Variants in VCAN observed in about 807,000 individuals in gnomAD.
VCAN encodes versican core protein.
VCAN carries 44 observed loss-of-function variants against 245.5 expected under a neutral mutation model. The observed-to-expected ratio is 0.18, with a 90% CI of 0.14 to 0.23. VCAN has a LOEUF of 0.23. Among genes scored for constraint, VCAN ranks in the 10% least tolerant of loss-of-function variants. The pLI, the probability that VCAN is intolerant of heterozygous loss-of-function variation, is 1.00. For missense variants in VCAN, 3,793 were observed against 4,057.9 expected (o/e 0.93, Z 1.77); for synonymous variants, 1,413 against 1,437.0 (o/e 0.98, Z 0.38).
At position 83,536,994 on chromosome 5, in the gene VCAN, CTG is replaced by C; in HGVS notation, c.4004-11_4004-10del. The C allele has an allele frequency of 6.4e-7, 1 of 1,564,826 alleles. No individual in the cohort carries two copies. The highest frequency in any genetic ancestry group is 1.2e-5 in the South Asian group (1 of 81,566). ...TTTCTATTTAAGTATTGTGAAAACT[CTG>C]TTTTTTTCAGGTCGAATGAGTGATT... On this transcript the variant is annotated splice_polypyrimidine_tract_variant and intron_variant, in intron 7 of 14. Transcript: ENST00000265077.
chr5:83,570,347 T>A (rs1161031487), intron 12 of VCAN, among the ~76,000 whole-genome samples: 2 of 152,154 alleles, frequency 1.3e-5, no homozygotes, highest in East Asian at 1.9e-4. Flanking sequence ...CTTTTTTACA[T>A]AGCAGTGATC....
intron 6 of VCAN, among the ~76,000 whole-genome samples, chr5:83,516,805 T>A (rs1377974555): frequency 6.6e-6 from 1 of 152,276 alleles, no homozygotes. Flanking sequence ...TCTTAAAATA[T>A]CTCTTCGTAG....
Position 83,545,585 on chromosome 5 carries a change from A to T in VCAN, c.9314A>T (p.Tyr3105Phe). The change falls in exon 9 of 15, where the codon TAT (tyrosine) becomes TTT (phenylalanine). Residue 3105 changes from tyrosine (Y) to phenylalanine (F), a missense_variant. Coordinates refer to ENST00000265077, the MANE Select transcript of VCAN (RefSeq NM_004385.5). ...MNPCLNGGTC[Y>F]PTETSYVCTC... Reference sequence around the variant, plus strand: ...CCGTGCCTTAACGGAGGCACCTGTTATCCTACTGAAACTTCCTACGTATGC... The same window carrying T: ...CCGTGCCTTAACGGAGGCACCTGTTTTCCTACTGAAACTTCCTACGTATGC... The T allele has an allele frequency of 1.2e-6, 2 of 1,614,184 alleles. No homozygotes were observed. Among genetic ancestry groups the T allele is most frequent in the Non-Finnish European group, 1.7e-6 (2 of 1,180,002 alleles).
Position 83,547,429 on chromosome 5 carries a change from G to A in VCAN, c.9380-542G>A, listed in dbSNP as rs144584173. On this transcript the variant is annotated intron_variant, in intron 9 of 14. Transcript: ENST00000265077. ...GAAGACTGCTGCCCTGGGCAATTGGGATCCATGGAATGTTTGGAAGTAAAA... is the reference window on the plus strand; with the variant it reads ...GAAGACTGCTGCCCTGGGCAATTGGAATCCATGGAATGTTTGGAAGTAAAA... 8.1e-4 allele frequency among the ~76,000 whole-genome samples: 124 copies of A among 152,288 alleles called. 1 individual carries two copies. Among genetic ancestry groups the A allele is most frequent in the African/African-American group, 2.8e-3 (116 of 41,560 alleles).
intron 5 of VCAN, among the ~76,000 whole-genome samples, chr5:83,499,916 A>T (rs374860417): frequency 6.6e-5 from 10 of 152,328 alleles, no homozygotes; most frequent in African/African-American, 2.4e-4. Flanking sequence ...TCCTTTAGAT[A>T]TGAAAATCTA....
At position 83,521,968 on chromosome 5, in the gene VCAN, C is replaced by T. The variant is rs1297457033; in HGVS notation, c.3662C>T (p.Ser1221Leu). The change falls in exon 7 of 15, where the codon TCA (serine) becomes TTA (leucine). Residue 1221 changes from serine to leucine, a missense_variant. Coordinates refer to ENST00000265077, the MANE Select transcript of VCAN (RefSeq NM_004385.5). ...TCAGTAGACAGACTTCACACAACTT[C>T]AGCATTCAAGCCATCTTCCGCGATC... The part of the protein sequence containing the change: ...FSSVDRLHTT[S>L]AFKPSSAITK... The T allele has an allele frequency of 6.2e-7, 1 of 1,614,082 alleles. No homozygotes were observed. The highest frequency in any genetic ancestry group is 1.3e-5 in the African/African-American group (1 of 74,942).
rs532576024 is a variant in VCAN at position 83,524,172 on chromosome 5, C to CAA, written c.4003+1871_4003+1872dup. On this transcript the variant is annotated intron_variant, in intron 7 of 14. Transcript: ENST00000265077. ...TCTCTCTGAAAGAATTGGCAGTCAT[C>CAA]AAAAAAAAAGAACTAAGTTATAAAT... 1.2e-3 allele frequency among the ~76,000 whole-genome samples: 181 copies of CAA among 149,872 alleles called. 1 individual carries two copies. Among genetic ancestry groups the CAA allele is most frequent in the Non-Finnish European group, 2.3e-3 (157 of 67,234 alleles).
rs1377985287 is a variant in VCAN at position 83,537,146 on chromosome 5, A to G, written c.4143A>G (p.Ile1381Met). 6.2e-7 allele frequency: 1 copy of G among 1,613,894 alleles called. No individual in the cohort carries two copies. The highest frequency in any genetic ancestry group is 1.7e-4 in the Middle Eastern group (1 of 6,060). The change falls in exon 8 of 15, where the codon ATA becomes ATG. Residue 1381 changes from isoleucine to methionine, a missense_variant. This residue lies in a region of VCAN where 3,182 missense variants were observed against 3,250.3 expected (regional missense o/e 0.98). Transcript: ENST00000265077. ...ILPEFPDIIE[I>M]DLYHSEENEE... ...CTGAATTCCCTGACATAATTGAAAT[A>G]GACCTATACCACAGTGAAGAAAATG...
chr5:83,520,535 G>T lies in VCAN; in HGVS notation c.2229G>T (p.Met743Ile). ...ATGTTACAGAGTCTTCTGTGGAAAT[G>T]ACCAAGTCTTTTGATTTCCCAACAT... ...PIHVTESSVE[M>I]TKSFDFPTLI... is the part of the protein sequence containing the mutation. The change falls in exon 7 of 15, where the codon ATG becomes ATT. Residue 743 changes from methionine to isoleucine, a missense_variant. Physicochemically the swap from Met to Ile is conservative, Grantham distance 10. Around this residue, in one of 5 missense-constraint regions of VCAN, gnomAD observed 3,182 missense variants for 3,250.3 expected, o/e 0.98. Coordinates refer to ENST00000265077, the MANE Select transcript of VCAN (RefSeq NM_004385.5). The T allele has an allele frequency of 1.9e-6, 3 of 1,613,880 alleles. No individual in the cohort carries two copies. The South Asian group carries it at 3.3e-5, about 18-fold the overall frequency.
intron 1 of VCAN, among the ~76,000 whole-genome samples, chr5:83,479,807 T>C (rs1744550992): frequency 6.6e-6 from 1 of 152,168 alleles, no homozygotes; most frequent in African/African-American, 2.4e-5. Flanking sequence ...GAAGAGGGAA[T>C]GGAAATGTAG....
chr5:83,553,845 T>G (rs1419759708), intron 11 of VCAN, among the ~76,000 whole-genome samples: 1 of 152,226 alleles, frequency 6.6e-6, no homozygotes, highest in Non-Finnish European at 1.5e-5. Flanking sequence ...ATAGAATTCT[T>G]ACTATGGTTA....
At chr5:83,484,850 A>G (rs184213391) in intron 2 of VCAN, among the ~76,000 whole-genome samples, 6 of 152,164 alleles carry the variant, frequency 3.9e-5, no homozygotes, top group Non-Finnish European at 8.8e-5. Flanking sequence ...GTGAAATTTA[A>G]AGTGAGATGA....
intron 12 of VCAN, among the ~76,000 whole-genome samples, chr5:83,569,508 A>C (rs887735639): frequency 2.0e-5 from 3 of 152,196 alleles, no homozygotes; most frequent in African/African-American, 7.2e-5. Context: ...GTCCTCAATG[A>C]ATTTACATTC....
intron 8 of VCAN, among the ~76,000 whole-genome samples, chr5:83,543,765 C>T (rs564107357): frequency 1.2e-4 from 19 of 152,236 alleles, no homozygotes; most frequent in African/African-American, 3.6e-4. Context: ...TTCCAGTTTA[C>T]AATATTTACC....
At position 83,541,861 on chromosome 5, in the gene VCAN, C is replaced by A. The variant is rs754409953; in HGVS notation, c.8858C>A (p.Thr2953Lys). Residue 2953 changes from threonine (T) to lysine (K), a missense_variant, in exon 8 of 15, where the codon ACA becomes AAA. By Grantham distance (78) the Thr-to-Lys change is moderately conservative. This residue lies in a region of VCAN where 3,182 missense variants were observed against 3,250.3 expected (regional missense o/e 0.98). Transcript: ENST00000265077. ...ATCAAGATGTTTCCCACCATTAAAA[C>A]ACCTGAGGCTGGAACTGTTATTACA... ...EAIKMFPTIK[T>K]PEAGTVITTA... 3 of 1,614,060 alleles carry A rather than the reference C, an allele frequency of 1.9e-6. No individual in the cohort carries two copies. The highest frequency in any genetic ancestry group is 2.2e-5 in the South Asian group (2 of 91,084).
chr5:83,524,570 A>G (rs995024451), intron 7 of VCAN, among the ~76,000 whole-genome samples: 1 of 121,336 alleles, frequency 8.2e-6, no homozygotes, highest in Non-Finnish European at 1.7e-5. Context: ...CTACCTACCT[A>G]CCTACCTACC....
intron 11 of VCAN, 146 bp from the exon 12 acceptor site, chr5:83,554,810 C>A: frequency 1.3e-6 from 1 of 753,732 alleles, no homozygotes; most frequent in Non-Finnish European, 2.3e-6. Flanking sequence ...AAAAGGTAGA[C>A]TAGGAGAGAT....
In VCAN at chr5:83,538,646, G is replaced by A; in HGVS notation, c.5643G>A (p.Glu1881=). 1.9e-6 allele frequency: 3 copies of A among 1,614,116 alleles called. No homozygotes were observed. The highest frequency in any genetic ancestry group is 2.5e-6 in the Non-Finnish European group (3 of 1,179,972). ...SPHVETTFST[E]PTGLVLSTVM... is the part of the protein sequence containing the mutation. ...ATGTGGAAACTACATTCTCCACTGA[G>A]CCAACAGGACTGGTTTTGAGTACAG... Residue 1881 remains glutamate, a synonymous_variant, in exon 8 of 15, where the codon GAG becomes GAA. Transcript: ENST00000265077.
intron 1 of VCAN, among the ~76,000 whole-genome samples, chr5:83,473,354 C>T (rs1744264207): frequency 6.6e-6 from 1 of 152,274 alleles, no homozygotes; most frequent in African/African-American, 2.4e-5. Flanking sequence ...CCTGCATGTC[C>T]CTGGGAGATG....
Sources: allele counts gnomAD v4.1 joint callset (sites outside exome capture counted in the v4.1 genomes callset), GRCh38; gene constraint gnomAD v4.1.1; regional missense constraint gnomAD v4.1.1; transcripts MANE v1.5; gene names NCBI Gene and HGNC (gene_info 2026-07-23, HGNC 2026-07-21).